LMBR1: variants seen among roughly 807,000 people sequenced by gnomAD.
LMBR1 encodes the protein limb region 1 protein homolog.
LMBR1 carries 52 observed loss-of-function variants against 73.9 expected under a neutral mutation model. That is an observed-to-expected ratio of 0.70 (90% CI 0.56 to 0.89). The LOEUF (loss-of-function observed/expected upper bound fraction) is 0.89, where lower values mean the gene tolerates loss of function less well. LMBR1 is among the 40% of genes least tolerant of loss of function. The pLI is 0.00. For missense variants in LMBR1, 539 were observed against 579.8 expected, an observed-to-expected ratio of 0.93 and a Z score of 0.72; for synonymous variants, 215 against 209.4, an observed-to-expected ratio of 1.03 and a Z score of -0.23.
chr7:156,874,743 G>C (rs1056284525), intron 1 of LMBR1, among the ~76,000 whole-genome samples: 2 of 152,154 alleles, frequency 1.3e-5, no homozygotes, highest in Non-Finnish European at 1.5e-5. Context: ...TTAGAAAAAG[G>C]GGGAGAGTAC....
At position 156,801,770 on chromosome 7, in the gene LMBR1, G is replaced by A. The variant is rs188103828; in HGVS notation, c.320-5278C>T. 1.4e-3 allele frequency among the ~76,000 whole-genome samples: 209 copies of A among 152,072 alleles called. 1 individual carries two copies. The highest frequency in any genetic ancestry group is 4.2e-3 in the African/African-American group (174 of 41,462). ...TGGTCTCAAACTCCTGGGCTCAAGCGATCCACTCACCTCAGCCTCCCAAAG... is the reference window on the plus strand; with the variant it reads ...TGGTCTCAAACTCCTGGGCTCAAGCAATCCACTCACCTCAGCCTCCCAAAG... On this transcript the variant is annotated intron_variant, in intron 4 of 16. Coordinates refer to ENST00000353442, the MANE Select transcript of LMBR1 (RefSeq NM_022458.4).
At position 156,681,023 on chromosome 7, in the gene LMBR1, A is replaced by T. The variant is rs1367574628; in HGVS notation, c.*3055T>A. 1.1e-5 allele frequency: 4 copies of T among 370,702 alleles called. No individual in the cohort carries two copies. In the East Asian group the frequency reaches 3.6e-4, roughly 34 times the overall value. 23.0% of individuals were successfully genotyped at this position (370,702 alleles called of 1,614,324 possible). ...CTAGTGTGTCCAAATGTTATTTTTA[A>T]AAGTTAACATTATACCAGTTTTTTC... On this transcript the variant is annotated 3_prime_UTR_variant, in exon 17 of 17. Transcript: ENST00000353442.
chr7:156,847,819 T>A (rs1413786486), intron 1 of LMBR1, among the ~76,000 whole-genome samples: 2 of 152,158 alleles, frequency 1.3e-5, no homozygotes, highest in Non-Finnish European at 2.9e-5. Context: ...CTAGTGGGAA[T>A]ACAAAATGGC....
chr7:156,678,036 T>C lies in LMBR1; in HGVS notation c.*6042A>G, dbSNP rs929522747. The C allele has an allele frequency of 6.6e-6, 1 of 152,250 alleles. No individual in the cohort carries two copies. The highest frequency in any genetic ancestry group is 1.5e-5 in the Non-Finnish European group (1 of 68,092). 9.4% of individuals were successfully genotyped at this position (152,250 alleles called of 1,614,324 possible). A position where few individuals can be genotyped will look rare whatever the true frequency, so the allele number is the denominator to read the frequency against. ...CTAGAAGGAGAGTCCCGGAGATACA[T>C]GGATCATTCAGTGATGGGAAGAGCC... On this transcript the variant is annotated 3_prime_UTR_variant, in exon 17 of 17. Transcript: ENST00000353442.
intron 15 of LMBR1, among the ~76,000 whole-genome samples, chr7:156,714,480 CT>C (rs1193697235): frequency 6.6e-6 from 1 of 152,184 alleles, no homozygotes; most frequent in African/African-American, 2.4e-5. Context: ...AAGATTATGT[CT>C]TTATTACTAA....
At chr7:156,765,545 G>C (rs1012821017) in intron 5 of LMBR1, among the ~76,000 whole-genome samples, 3 of 152,096 alleles carry the variant, frequency 2.0e-5, no homozygotes, top group Non-Finnish European at 4.4e-5. Context: ...GACTAATACA[G>C]ATACCAAAAC....
chr7:156,800,230 A>G (rs538682259), intron 4 of LMBR1, among the ~76,000 whole-genome samples: 3 of 152,332 alleles, frequency 2.0e-5, no homozygotes, highest in African/African-American at 7.2e-5. Context: ...AGCCAGAGAC[A>G]AGTTCAATGT....
chr7:156,685,035 T>C lies in LMBR1; in HGVS notation c.1388-872A>G, dbSNP rs867925446. On this transcript the variant is annotated intron_variant, in intron 16 of 16. Transcript: ENST00000353442. This position sits in a 1 kb window ranked among gnomAD's most constrained non-coding sequence, Gnocchi z 4.1. ...TGTAGGGAAAGCCACAGCCAAATAT[T>C]AATATGTAATTAAAAAGAAAAGAAT... Among the ~76,000 whole-genome samples the C allele has an allele frequency of 2.6e-5, 4 of 152,230 alleles. No individual in the cohort carries two copies. The Middle Eastern group carries it at 0.014, about 518-fold the overall frequency.
At chr7:156,772,315 G>T (rs1218227581) in intron 5 of LMBR1, among the ~76,000 whole-genome samples, 1 of 152,072 alleles carries the variant, frequency 6.6e-6, no homozygotes, top group Non-Finnish European at 1.5e-5. Context: ...TGCAGAAAAA[G>T]CTTTCTATAA....
intron 1 of LMBR1, among the ~76,000 whole-genome samples, chr7:156,841,928 T>C (rs370070094): frequency 7.1e-5 from 10 of 140,222 alleles, no homozygotes; most frequent in African/African-American, 2.2e-4. Context: ...GAGAGAAAAA[T>C]TATTGATGCA....
intron 15 of LMBR1, among the ~76,000 whole-genome samples, chr7:156,722,429 C>A (rs567983217): frequency 6.6e-6 from 1 of 152,244 alleles, no homozygotes; most frequent in East Asian, 1.9e-4. Flanking sequence ...AGAGGAATTA[C>A]AAAGTAACTC....
Position 156,826,656 on chromosome 7 carries a change from A to C in LMBR1, c.268T>G (p.Ser90Ala). 6.2e-7 allele frequency: 1 copy of C among 1,604,390 alleles called. No individual in the cohort carries two copies. Among genetic ancestry groups the C allele is most frequent in the South Asian group, 1.1e-5 (1 of 89,308 alleles). ...FSIISNEILL[S>A]FPQNYYIQWL... ...TGAATATAGTAGTTCTGAGGAAAAG[A>C]AAGCAGGATTTCATTGCTGATGATT... Residue 90 changes from serine to alanine, a missense_variant, in exon 4 of 17, where the codon TCT (serine) becomes GCT (alanine). Coordinates refer to ENST00000353442, the MANE Select transcript of LMBR1 (RefSeq NM_022458.4).
At chr7:156,715,821 A>G (rs1484477253) in intron 15 of LMBR1, among the ~76,000 whole-genome samples, 1 of 152,234 alleles carries the variant, frequency 6.6e-6, no homozygotes, top group Non-Finnish European at 1.5e-5. Context: ...TCATCCATTC[A>G]TCCAACGATG....
intron 4 of LMBR1, among the ~76,000 whole-genome samples, chr7:156,799,853 A>T (rs370761727): frequency 1.3e-5 from 2 of 152,376 alleles, no homozygotes; most frequent in South Asian, 2.1e-4. Context: ...AAAGCAAAAC[A>T]GCCTTACTGC....
At chr7:156,805,234 T>C (rs1831811955) in intron 4 of LMBR1, among the ~76,000 whole-genome samples, 1 of 151,354 alleles carries the variant, frequency 6.6e-6, no homozygotes, top group Non-Finnish European at 1.5e-5. Flanking sequence ...TTTTTTTTTT[T>C]TGAGACAAAG....
intron 12 of LMBR1, among the ~76,000 whole-genome samples, chr7:156,726,435 C>A (rs907323874): frequency 4.0e-5 from 6 of 151,594 alleles, no homozygotes; most frequent in Non-Finnish European, 8.8e-5. Context: ...TTATCCCTAT[C>A]TCAAAAACTA....
At chr7:156,770,189 C>T (rs1018711514) in intron 5 of LMBR1, among the ~76,000 whole-genome samples, 3 of 152,060 alleles carry the variant, frequency 2.0e-5, no homozygotes, top group African/African-American at 7.2e-5. Flanking sequence ...AAAAGTATGT[C>T]TATCTTTTTT....
At chr7:156,759,770 G>A (rs1822619853) in intron 8 of LMBR1, among the ~76,000 whole-genome samples, 1 of 151,304 alleles carries the variant, frequency 6.6e-6, no homozygotes, top group South Asian at 2.1e-4. Context: ...CTATAGAAGG[G>A]TGCGACTGGC....
intron 5 of LMBR1, among the ~76,000 whole-genome samples, chr7:156,770,260 C>T (rs1035903574): frequency 1.3e-5 from 2 of 151,992 alleles, no homozygotes; most frequent in African/African-American, 2.4e-5. Context: ...CTCAAGTGAT[C>T]CTCCCATCTC....
Sources: gnomAD v4.1 joint callset for allele counts (sites outside exome capture counted in the v4.1 genomes callset) on GRCh38, gnomAD v4.1.1 for gene constraint, Gnocchi (gnomAD v3.1) non-coding constraint, MANE v1.5 for transcripts, NCBI Gene and HGNC (gene_info 2026-07-23, HGNC 2026-07-21) for gene names.